Variants in PFKFB3 observed in about 807,000 individuals in gnomAD.
The protein encoded by PFKFB3 is 6-phosphofructo-2-kinase/fructose-2,6-biphosphatase 3, also known as 6-phosphofructo-2-kinase/fructose-2,6-bisphosphatase 3.
In PFKFB3, 33 loss-of-function variants were observed where a neutral mutation model predicts 68.0. That is an observed-to-expected ratio of 0.49 (90% CI 0.37 to 0.65). The LOEUF is 0.65. Ranked by LOEUF, PFKFB3 falls within the 30% of genes least tolerant of loss-of-function variation. The probability of loss-of-function intolerance (pLI) is 0.00; values close to 1 mark genes in which losing one functional copy is unlikely to be tolerated. For missense variants in PFKFB3, 586 were observed against 712.2 expected (o/e 0.82, Z 2.02); for synonymous variants, 315 against 288.2 (o/e 1.09, Z -0.94).
chr10:6,234,503 C>G lies in PFKFB3; in HGVS notation c.*1561C>G, dbSNP rs1225242359. On this transcript the variant is annotated 3_prime_UTR_variant, in exon 15 of 15. Coordinates refer to ENST00000379775, the MANE Select transcript of PFKFB3 (RefSeq NM_004566.4). ...CAAGTGGGGGATTTTCATGCTGAAC[C>G]ATTCAAGCCCTCCCCGCCCGTTGCA... 6.6e-6 allele frequency: 1 copy of G among 152,242 alleles called. No homozygotes were observed. The highest frequency in any genetic ancestry group is 1.5e-5 in the Non-Finnish European group (1 of 68,034). 9.4% of individuals were successfully genotyped at this position (152,242 alleles called of 1,614,324 possible).
At chr10:6,240,909 T>C (rs1479505947) in intron 14 of PFKFB3, among the ~76,000 whole-genome samples, 1 of 133,708 alleles carries the variant, frequency 7.5e-6, no homozygotes, top group African/African-American at 3.1e-5. Context: ...TGTAGAATGT[T>C]CTTTTTTTTT....
chr10:6,183,077 A>T (rs1378143822), intron 1 of PFKFB3, among the ~76,000 whole-genome samples: 1 of 152,164 alleles, frequency 6.6e-6, no homozygotes, highest in Non-Finnish European at 1.5e-5. Flanking sequence ...CTTCTGTGTC[A>T]CACCTCTGTT....
intron 1 of PFKFB3, among the ~76,000 whole-genome samples, chr10:6,183,579 A>G (rs1393068319): frequency 7.2e-6 from 1 of 138,462 alleles, no homozygotes. Context: ...ACCTGAGGTC[A>G]GGAGTTCGAG....
upstream of PFKFB3, chr10:6,202,860 C>A (rs1042468420): frequency 1.1e-5 from 11 of 1,031,048 alleles, no homozygotes; most frequent in Non-Finnish European, 1.2e-5. Context: ...GAATGCGGCC[C>A]GCCCCGAGGC....
At chr10:6,212,534 G>A (rs1254853419) in intron 1 of PFKFB3, among the ~76,000 whole-genome samples, 2 of 152,298 alleles carry the variant, frequency 1.3e-5, no homozygotes, top group East Asian at 3.9e-4. Context: ...ATCCGAGCCT[G>A]GCACCAGAAG....
In PFKFB3 at chr10:6,215,291, C is replaced by T. The variant is rs199980015; in HGVS notation, c.273C>T (p.Asp91=). ...QYSSYNFFRP[D]NEEAMKVRKQ... is the part of the protein sequence containing the mutation. Reference sequence around the variant, plus strand: ...GCTCCTACAACTTCTTCCGCCCCGACAATGAGGAAGCCATGAAAGTCCGGA... The same window carrying T: ...GCTCCTACAACTTCTTCCGCCCCGATAATGAGGAAGCCATGAAAGTCCGGA... Residue 91 remains aspartate (D), a synonymous_variant, in exon 3 of 15, where the codon GAC becomes GAT. Coordinates refer to ENST00000379775, the MANE Select transcript of PFKFB3 (RefSeq NM_004566.4). The surrounding 1 kb of genome is among the most constrained non-coding windows in gnomAD (Gnocchi z 4.3). The T allele has an allele frequency of 1.2e-6, 2 of 1,613,948 alleles. No homozygotes were observed. Among genetic ancestry groups the T allele is most frequent in the Admixed American group, 1.7e-5 (1 of 60,006 alleles).
At position 6,190,187 on chromosome 10, in the gene PFKFB3, AC is replaced by A. The variant is rs1448303475; in HGVS notation, c.17-23433del. 8.6e-5 allele frequency among the ~76,000 whole-genome samples: 13 copies of A among 150,598 alleles called. No homozygotes were observed. In the East Asian group the frequency reaches 2.4e-3, roughly 28 times the overall value. Reference sequence around the variant, plus strand: ...TTAAACTCCTGGCCTCAAGTGATCCACCCGCCTTGGCCTCTCAAAGTGCTGA... The same window carrying A: ...TTAAACTCCTGGCCTCAAGTGATCCACCGCCTTGGCCTCTCAAAGTGCTGA... On this transcript the variant is annotated intron_variant, in intron 1 of 14. Transcript: ENST00000379789.
chr10:6,283,588 G>A, the PFKFB3 span, among the ~76,000 whole-genome samples: 5 of 16,386 alleles, frequency 3.1e-4, no homozygotes, highest in Admixed American at 6.5e-4. Context: ...AGAGCAGAGG[G>A]TGGGCAAGTG....
the PFKFB3 span, among the ~76,000 whole-genome samples, chr10:6,311,399 C>T: frequency 2.0e-5 from 3 of 152,128 alleles, no homozygotes; most frequent in Non-Finnish European, 4.4e-5. Context: ...CCTTTTCTGG[C>T]AGAACCTCTC....
rs573415324 is a variant in PFKFB3, at chr10:6,217,161, C to T, written c.468C>T (p.Asp156=). Residue 156 remains aspartate, a synonymous_variant, in exon 6 of 15, where the codon GAC becomes GAT. Coordinates refer to ENST00000379775, the MANE Select transcript of PFKFB3 (RefSeq NM_004566.4). ...CGTTTTTCATCGAGTCGGTGTGCGA[C>T]GACCCTACAGTTGTGGCCTCCAATA... ...FKAFFIESVC[D]DPTVVASNIM... is the part of the protein sequence containing the mutation. 27 of 1,614,158 alleles carry T rather than the reference C, an allele frequency of 1.7e-5. No individual in the cohort carries two copies. Among genetic ancestry groups the T allele is most frequent in the Middle Eastern group, 1.6e-4 (1 of 6,062 alleles).
At chr10:6,223,566 C>T (rs1393753299) in intron 11 of PFKFB3, among the ~76,000 whole-genome samples, 5 of 152,172 alleles carry the variant, frequency 3.3e-5, no homozygotes, top group African/African-American at 9.7e-5. Context: ...ACAGGGCTTC[C>T]GAGGGTCCTT....
chr10:6,169,510 A>T (rs1253012895), intron 1 of PFKFB3, among the ~76,000 whole-genome samples: 1 of 151,992 alleles, frequency 6.6e-6, no homozygotes, highest in African/African-American at 2.4e-5. Context: ...AGGATATTTG[A>T]CTGTGATCTT....
At chr10:6,216,291 G>T in intron 4 of PFKFB3, 100 bp downstream of exon 4, 1 of 1,188,932 alleles carries the variant, frequency 8.4e-7, no homozygotes. Context: ...TGGCCCTGAG[G>T]GTGGAGGAAA....
chr10:6,192,173 C>T (rs2131824681), intron 1 of PFKFB3, among the ~76,000 whole-genome samples: 1 of 144,268 alleles, frequency 6.9e-6, no homozygotes, highest in East Asian at 2.0e-4. Context: ...CACACACACA[C>T]ACACACACAC....
chr10:6,300,424 C>G, the PFKFB3 span, among the ~76,000 whole-genome samples: 2 of 152,118 alleles, frequency 1.3e-5, no homozygotes, highest in Non-Finnish European at 2.9e-5. Flanking sequence ...GTGAGCTCAG[C>G]TCAAGTTCAG....
intron 1 of PFKFB3, among the ~76,000 whole-genome samples, chr10:6,165,098 G>T (rs1331620653): frequency 1.3e-5 from 2 of 152,164 alleles, no homozygotes; most frequent in Non-Finnish European, 2.9e-5. Context: ...CATATCTCAG[G>T]CTGTCTCAGT....
chr10:6,198,255 A>C (rs1159960536), upstream of PFKFB3, among the ~76,000 whole-genome samples: 2 of 152,002 alleles, frequency 1.3e-5, no homozygotes, highest in African/African-American at 4.8e-5. Flanking sequence ...CAAAAAAAAA[A>C]AAAAAAGAAA....
At chr10:6,253,806 C>A (rs149949143) in intron 14 of PFKFB3, among the ~76,000 whole-genome samples, 2 of 152,202 alleles carry the variant, frequency 1.3e-5, no homozygotes, top group East Asian at 3.9e-4. Context: ...CTTTGGGAGG[C>A]CAAAGTGGGC....
At chr10:6,312,861 G>A in the PFKFB3 span, among the ~76,000 whole-genome samples, 1 of 152,204 alleles carries the variant, frequency 6.6e-6, no homozygotes, top group East Asian at 1.9e-4. Context: ...TGCACATAGT[G>A]AGAGCTGCAT....
Sources: allele counts gnomAD v4.1 joint callset (sites outside exome capture counted in the v4.1 genomes callset), GRCh38; gene constraint gnomAD v4.1.1; non-coding constraint Gnocchi (gnomAD v3.1); transcripts MANE v1.5; gene names NCBI Gene and HGNC (gene_info 2026-07-23, HGNC 2026-07-21).